The following IFTAP variants were observed in gnomAD, a reference collection of about 807,000 sequenced individuals.
The protein encoded by IFTAP is intraflagellar transport-associated protein.
IFTAP carries 19 observed loss-of-function variants against 19.4 expected under a neutral mutation model. The observed-to-expected ratio is 0.98, with a 90% CI of 0.68 to 1.44. The LOEUF (loss-of-function observed/expected upper bound fraction) is 1.44. IFTAP is among the 40% of genes most tolerant of loss of function. The probability of loss-of-function intolerance (pLI) is 0.00; values close to 1 mark genes in which losing one functional copy is unlikely to be tolerated. For synonymous variants in IFTAP, 85 were observed against 83.5 expected (o/e 1.02, Z -0.10); for missense variants, 240 against 253.6 (o/e 0.95, Z 0.36).
At chr11:36,634,196 G>T (rs1852847521) in intron 3 of IFTAP, among the ~76,000 whole-genome samples, 1 of 152,094 alleles carries the variant, frequency 6.6e-6, no homozygotes, top group Non-Finnish European at 1.5e-5. Flanking sequence ...TGACCATTGG[G>T]ATTATATTAT....
At chr11:36,618,450 G>A (rs1852176150) in intron 2 of IFTAP, among the ~76,000 whole-genome samples, 1 of 152,024 alleles carries the variant, frequency 6.6e-6, no homozygotes, top group Admixed American at 6.6e-5. Flanking sequence ...CACTTACCCT[G>A]TCTTCTCTAG....
chr11:36,610,320 A>G, intron 2 of IFTAP, 81 bp downstream of exon 2: 1 of 1,285,370 alleles, frequency 7.8e-7, no homozygotes, highest in Non-Finnish European at 1.1e-6. Context: ...GCCTCTTGAG[A>G]AAGACTATTT....
intron 1 of IFTAP, among the ~76,000 whole-genome samples, chr11:36,607,351 C>T (rs1488823935): frequency 6.6e-6 from 1 of 152,138 alleles, no homozygotes; most frequent in Admixed American, 6.6e-5. Flanking sequence ...TTTAAACCCT[C>T]AGGGTCAGAT....
chr11:36,645,819 T>C (rs1483344256), intron 4 of IFTAP, among the ~76,000 whole-genome samples: 2 of 152,162 alleles, frequency 1.3e-5, no homozygotes, highest in Admixed American at 6.6e-5. Context: ...GGGTAAGGGC[T>C]ATAGTCATTT....
intron 1 of IFTAP, among the ~76,000 whole-genome samples, chr11:36,601,529 A>G (rs1447971751): frequency 2.0e-5 from 3 of 152,254 alleles, no homozygotes; most frequent in African/African-American, 7.2e-5. Flanking sequence ...AACAAAATAG[A>G]GAAAACATTT....
intron 5 of IFTAP, 71 bp from the exon 6 acceptor site, chr11:36,658,948 G>A (rs1854106904): frequency 3.4e-6 from 4 of 1,163,350 alleles, no homozygotes; most frequent in South Asian, 2.0e-5. Flanking sequence ...TTAATAGGGA[G>A]TTAATTTTTC....
chr11:36,628,714 C>A (rs1852616034), intron 2 of IFTAP, among the ~76,000 whole-genome samples: 1 of 151,238 alleles, frequency 6.6e-6, no homozygotes, highest in Non-Finnish European at 1.5e-5. Context: ...TCATATTTTT[C>A]TCTCTGTAAG....
intron 1 of IFTAP, among the ~76,000 whole-genome samples, chr11:36,608,524 G>T (rs1319742995): frequency 1.3e-5 from 2 of 152,212 alleles, no homozygotes; most frequent in Non-Finnish European, 2.9e-5. Flanking sequence ...AGCTATGTAA[G>T]AAGAATACTT....
intron 2 of IFTAP, among the ~76,000 whole-genome samples, chr11:36,629,280 C>A (rs1852639801): frequency 1.3e-5 from 2 of 151,298 alleles, no homozygotes; most frequent in Non-Finnish European, 1.5e-5. Context: ...GATTGCTTAT[C>A]CCCTATTCTC....
chr11:36,656,170 C>G (rs935594205), intron 5 of IFTAP, among the ~76,000 whole-genome samples: 1 of 151,992 alleles, frequency 6.6e-6, no homozygotes, highest in Non-Finnish European at 1.5e-5. Flanking sequence ...GAAGTAAGTC[C>G]GAAATACAGG....
intron 3 of IFTAP, among the ~76,000 whole-genome samples, chr11:36,635,658 G>A (rs1180545901): frequency 6.6e-6 from 1 of 152,058 alleles, no homozygotes; most frequent in Admixed American, 6.5e-5. Flanking sequence ...CAGAGCCACC[G>A]CCACCATTTG....
intron 1 of IFTAP, among the ~76,000 whole-genome samples, chr11:36,600,029 G>T (rs1401639307): frequency 1.3e-5 from 2 of 152,204 alleles, no homozygotes; most frequent in African/African-American, 4.8e-5. Flanking sequence ...GAATGGGTTA[G>T]TTGTCTCTTG....
chr11:36,640,784 A>G (rs1376481239), intron 4 of IFTAP, among the ~76,000 whole-genome samples: 1 of 152,214 alleles, frequency 6.6e-6, no homozygotes, highest in East Asian at 1.9e-4. Flanking sequence ...TGTGATTTTT[A>G]TACTGTATAA....
chr11:36,651,892 G>A (rs1334719708), intron 5 of IFTAP, among the ~76,000 whole-genome samples: 3 of 152,134 alleles, frequency 2.0e-5, no homozygotes, highest in Admixed American at 2.0e-4. Context: ...TGAGGGCTCT[G>A]TTCTGTTCCT....
chr11:36,634,214 G>A (rs1852849524), intron 3 of IFTAP, among the ~76,000 whole-genome samples: 1 of 152,082 alleles, frequency 6.6e-6, no homozygotes, highest in Non-Finnish European at 1.5e-5. Context: ...TATATAGAGA[G>A]TCTTTAACCA....
intron 5 of IFTAP, among the ~76,000 whole-genome samples, chr11:36,656,986 C>T (rs573807506): frequency 6.6e-6 from 1 of 151,882 alleles, no homozygotes; most frequent in Admixed American, 6.6e-5. Flanking sequence ...AAGGTGTAGG[C>T]AGGTTTTAGA....
intron 4 of IFTAP, among the ~76,000 whole-genome samples, chr11:36,642,411 C>T (rs1191327640): frequency 6.6e-6 from 1 of 152,122 alleles, no homozygotes; most frequent in Non-Finnish European, 1.5e-5. Flanking sequence ...GATTCACAGC[C>T]AAATTCTACC....
intron 1 of IFTAP, among the ~76,000 whole-genome samples, chr11:36,601,381 G>A (rs1047078816): frequency 1.3e-5 from 2 of 152,184 alleles, no homozygotes; most frequent in Admixed American, 6.5e-5. Flanking sequence ...ATGATGTATT[G>A]TCAAGAGAAG....
rs1316610095 is a variant in IFTAP, at chr11:36,659,063, T to A, written c.543T>A (p.Phe181Leu). ...EVQLFSLDEE[F>L]DYDNVMLTSK... ...AACTTTTTTCACTTGATGAAGAATT[T>A]GATTATGACAATGTGATGCTAACCT... Residue 181 changes from phenylalanine (F) to leucine (L), a missense_variant, in exon 6 of 6, where the codon TTT becomes TTA. Phe to Leu is a conservative substitution (Grantham distance 22, BLOSUM62 0). Coordinates refer to ENST00000334307, the MANE Select transcript of IFTAP (RefSeq NM_138787.4). 1 of 1,604,782 alleles carries A rather than the reference T, an allele frequency of 6.2e-7. No homozygotes were observed. The highest frequency in any genetic ancestry group is 8.5e-7 in the Non-Finnish European group (1 of 1,175,902).
Sources: allele counts gnomAD v4.1 joint callset (sites outside exome capture counted in the v4.1 genomes callset), GRCh38; gene constraint gnomAD v4.1.1; transcripts MANE v1.5; gene names NCBI Gene and HGNC (gene_info 2026-07-23, HGNC 2026-07-21).